DYM: variants seen among roughly 807,000 people sequenced by gnomAD.
The protein encoded by DYM is dyggve-Melchior-Clausen syndrome protein.
DYM carries 78 observed loss-of-function variants against 93.1 expected under a neutral mutation model. That is an observed-to-expected ratio of 0.84 (90% CI 0.70 to 1.01). DYM has a LOEUF of 1.01. Ranked by LOEUF, DYM falls within the 50% of genes least tolerant of loss-of-function variation. The pLI, the probability that DYM is intolerant of heterozygous loss-of-function variation, is 0.00. For missense variants in DYM, 789 were observed against 845.0 expected, an observed-to-expected ratio of 0.93 and a Z score of 0.82; for synonymous variants, 321 against 319.7, an observed-to-expected ratio of 1.00 and a Z score of -0.04.
At chr18:49,164,375 C>G (rs143262980) in intron 14 of DYM, among the ~76,000 whole-genome samples, 1 of 151,864 alleles carries the variant, frequency 6.6e-6, no homozygotes, top group Non-Finnish European at 1.5e-5. Flanking sequence ...TCAGATGTAA[C>G]ACAACATGTG....
intron 14 of DYM, among the ~76,000 whole-genome samples, chr18:49,209,062 G>C (rs1042242552): frequency 6.6e-6 from 1 of 152,150 alleles, no homozygotes; most frequent in African/African-American, 2.4e-5. Flanking sequence ...AATAAAATGA[G>C]TACAAAATAC....
chr18:49,333,676 A>G (rs1054545918), intron 7 of DYM, 52 bp downstream of exon 7: 43 of 1,576,812 alleles, frequency 2.7e-5, no homozygotes, highest in Non-Finnish European at 3.7e-5. Context: ...CAAGACTAGA[A>G]ATATAGATTT....
intron 3 of DYM, among the ~76,000 whole-genome samples, chr18:49,386,609 A>G (rs1354759512): frequency 2.6e-5 from 4 of 152,200 alleles, no homozygotes; most frequent in African/African-American, 9.7e-5. Flanking sequence ...AAAATGTGGG[A>G]AATCTGAGAA....
intron 13 of DYM, among the ~76,000 whole-genome samples, chr18:49,223,978 C>T (rs2093446987): frequency 6.6e-6 from 1 of 152,002 alleles, no homozygotes; most frequent in African/African-American, 2.4e-5. Context: ...ATGAGATCTG[C>T]ATTTTGAAAT....
chr18:49,450,001 C>A (rs936454480), intron 1 of DYM, among the ~76,000 whole-genome samples: 4 of 152,074 alleles, frequency 2.6e-5, no homozygotes, highest in African/African-American at 9.6e-5. Context: ...CTTATAAAAA[C>A]AGTGAAATGT....
intron 13 of DYM, among the ~76,000 whole-genome samples, chr18:49,219,096 T>C (rs2093222175): frequency 6.6e-6 from 1 of 152,102 alleles, no homozygotes; most frequent in African/African-American, 2.4e-5. Flanking sequence ...CCCACAGAAA[T>C]ACAAACTACC....
At chr18:49,085,261 C>G (rs2078406262) in intron 17 of DYM, among the ~76,000 whole-genome samples, 1 of 152,172 alleles carries the variant, frequency 6.6e-6, no homozygotes, top group African/African-American at 2.4e-5. Context: ...AAACCCATCT[C>G]AAGTTTAACT....
intron 14 of DYM, among the ~76,000 whole-genome samples, chr18:49,202,900 G>A (rs1338392117): frequency 7.3e-6 from 1 of 136,172 alleles, no homozygotes; most frequent in Non-Finnish European, 1.6e-5. Flanking sequence ...CGGGAGGGAG[G>A]TTGGGGGGGG....
intron 14 of DYM, among the ~76,000 whole-genome samples, chr18:49,190,894 A>G (rs1379313427): frequency 6.6e-6 from 1 of 152,226 alleles, no homozygotes; most frequent in Admixed American, 6.5e-5. Flanking sequence ...TTCTTTTCCC[A>G]GCTTACTTTA....
At position 49,426,755 on chromosome 18, in the gene DYM, ATGTGTGTGTGTGTGTG is replaced by A. The variant is rs59381977; in HGVS notation, c.140+3484_140+3499del. Among the ~76,000 whole-genome samples, 991 of 147,802 alleles carry A rather than the reference ATGTGTGTGTGTGTGTG, an allele frequency of 6.7e-3. 5 individuals carry two copies. Among genetic ancestry groups the A allele is most frequent in the South Asian group, 0.014 (65 of 4,630 alleles). ...ACTGCTATTAGTCACACTGGAAAAC[ATGTGTGTGTGTGTGTG>A]TGTGTGTGTGTGTGTGTGTGAATTT... On this transcript the variant is annotated intron_variant, in intron 2 of 17. Coordinates refer to ENST00000675505, the MANE Select transcript of DYM (RefSeq NM_001353214.3).
intron 16 of DYM, among the ~76,000 whole-genome samples, chr18:49,098,605 T>C (rs189894351): frequency 6.6e-6 from 1 of 152,360 alleles, no homozygotes; most frequent in African/African-American, 2.4e-5. Flanking sequence ...ACACTGCTTG[T>C]GATTCCAGAT....
chr18:49,289,377 G>C (rs2059874830), intron 8 of DYM, among the ~76,000 whole-genome samples: 1 of 56,042 alleles, frequency 1.8e-5, no homozygotes, highest in African/African-American at 6.4e-5. Flanking sequence ...CATAACAAAA[G>C]GATTTTTTTA....
chr18:49,216,434 T>C (rs920585300), intron 13 of DYM, among the ~76,000 whole-genome samples: 3 of 152,168 alleles, frequency 2.0e-5, no homozygotes, highest in African/African-American at 7.2e-5. Context: ...GATCTGAGAA[T>C]GGGCAGACTG....
chr18:49,344,096 T>C (rs910038229), intron 6 of DYM, among the ~76,000 whole-genome samples: 4 of 152,184 alleles, frequency 2.6e-5, no homozygotes, highest in Non-Finnish European at 5.9e-5. Flanking sequence ...CTGTAATAAA[T>C]GGTATTGAAG....
chr18:49,117,251 G>A (rs79191013), intron 16 of DYM, among the ~76,000 whole-genome samples: 2 of 152,162 alleles, frequency 1.3e-5, no homozygotes, highest in Non-Finnish European at 2.9e-5. Context: ...AGCTGCAACC[G>A]TTAGGTATAT....
intron 14 of DYM, among the ~76,000 whole-genome samples, chr18:49,167,359 G>C (rs1199959836): frequency 6.6e-6 from 1 of 152,048 alleles, no homozygotes; most frequent in East Asian, 1.9e-4. Flanking sequence ...AGAAGCTGTG[G>C]ATACTGCTTC....
rs138453206 is a variant in DYM at position 49,442,845 on chromosome 18, G to A, written c.-53-12398C>T. On this transcript the variant is annotated intron_variant, in intron 1 of 17. Coordinates refer to ENST00000675505, the MANE Select transcript of DYM (RefSeq NM_001353214.3). Reference sequence around the variant, plus strand: ...AAGGGCTAAACCCTATGTGCTGCCTGAAGAATGATTCCTACTTTTTTTTTT... The same window carrying A: ...AAGGGCTAAACCCTATGTGCTGCCTAAAGAATGATTCCTACTTTTTTTTTT... Among the ~76,000 whole-genome samples, 18 of 151,518 alleles carry A rather than the reference G, an allele frequency of 1.2e-4. 1 individual carries two copies. In the East Asian group the frequency reaches 3.5e-3, roughly 29 times the overall value.
chr18:49,320,603 T>A (rs1380863384), intron 8 of DYM, among the ~76,000 whole-genome samples: 1 of 152,138 alleles, frequency 6.6e-6, no homozygotes, highest in Non-Finnish European at 1.5e-5. Flanking sequence ...GCCTACAGAA[T>A]AGCTGGGATT....
At chr18:49,170,780 C>CAAAAAAAAAAAA (rs34297501) in intron 14 of DYM, among the ~76,000 whole-genome samples, 1 of 31,212 alleles carries the variant, frequency 3.2e-5, no homozygotes, top group African/African-American at 1.4e-4. Context: ...GACTCCGTCT[C>CAAAAAAAAAAAA]AAAAAAAAAA....
Sources: allele counts gnomAD v4.1 joint callset (sites outside exome capture counted in the v4.1 genomes callset), GRCh38; gene constraint gnomAD v4.1.1; transcripts MANE v1.5; gene names NCBI Gene and HGNC (gene_info 2026-07-23, HGNC 2026-07-21).